The following DTNA variants were observed in gnomAD, a reference collection of about 807,000 sequenced individuals.
DTNA encodes the protein dystrobrevin alpha, also known as dystrophin-related protein 3.
Under a neutral mutation model 100.7 loss-of-function variants are expected in DTNA, and 43 were observed. That is an observed-to-expected ratio of 0.43 (90% CI 0.33 to 0.55). DTNA has a LOEUF of 0.55. DTNA is among the 20% of genes least tolerant of loss of function. DTNA has a pLI of 0.04. For missense variants in DTNA, 798 were observed against 953.9 expected (o/e 0.84, Z 2.15); for synonymous variants, 349 against 347.9 (o/e 1.00, Z -0.04).
intron 1 of DTNA, among the ~76,000 whole-genome samples, chr18:34,677,657 A>G (rs925281171): frequency 6.6e-6 from 1 of 152,180 alleles, no homozygotes; most frequent in Non-Finnish European, 1.5e-5. Flanking sequence ...TCTCAGATAC[A>G]TAGGTCTAAT....
intron 3 of DTNA, among the ~76,000 whole-genome samples, chr18:34,782,792 G>GA (rs2094379486): frequency 6.6e-6 from 1 of 152,212 alleles, no homozygotes; most frequent in Non-Finnish European, 1.5e-5. Context: ...TTCATGCTTA[G>GA]CCTGTTGGGT....
chr18:34,709,890 T>A (rs2082578533), upstream of DTNA, among the ~76,000 whole-genome samples: 1 of 152,216 alleles, frequency 6.6e-6, no homozygotes, highest in Admixed American at 6.5e-5. Flanking sequence ...ATTACTGCAT[T>A]TTTTAATGTT....
chr18:34,540,070 G>C (rs1018666649), intron 1 of DTNA, among the ~76,000 whole-genome samples: 4 of 151,706 alleles, frequency 2.6e-5, no homozygotes, highest in African/African-American at 9.7e-5. Context: ...TGAACTCTCA[G>C]ATATTAATAT....
At chr18:34,583,803 A>G (rs2048862725) in intron 1 of DTNA, among the ~76,000 whole-genome samples, 1 of 152,158 alleles carries the variant, frequency 6.6e-6, no homozygotes, top group Non-Finnish European at 1.5e-5. Context: ...GAAATTCTTA[A>G]CAAGAACACC....
chr18:34,638,041 G>A (rs16965703), intron 1 of DTNA, among the ~76,000 whole-genome samples: 7 of 152,132 alleles, frequency 4.6e-5, no homozygotes, highest in Non-Finnish European at 8.8e-5. Flanking sequence ...ACTTCTTATC[G>A]TTGTCTGTCC....
chr18:34,865,577 T>C (rs1786585), intron 17 of DTNA, among the ~76,000 whole-genome samples: 28,557 of 152,170 alleles, frequency 0.19, 3,728 homozygotes, highest in African/African-American at 0.38. Context: ...CTATCTTGGG[T>C]AAGACAAGAC....
intron 1 of DTNA, among the ~76,000 whole-genome samples, chr18:34,561,161 G>A (rs2046600234): frequency 6.6e-6 from 1 of 152,114 alleles, no homozygotes; most frequent in Non-Finnish European, 1.5e-5. Context: ...TCAAGATGTG[G>A]CAACAACTTT....
intron 1 of DTNA, among the ~76,000 whole-genome samples, chr18:34,543,815 G>A (rs571578629): frequency 2.0e-5 from 3 of 152,158 alleles, no homozygotes; most frequent in South Asian, 4.1e-4. Flanking sequence ...TTTAATATTC[G>A]ATTCACTGAA....
In DTNA at chr18:34,890,431, C is replaced by A. The variant is rs1054515869; in HGVS notation, c.*2697C>A. ...TGGCTCTCCAGATTTACTTTTGGGG[C>A]CTGTTCTAAGTGCAAACCCAGCAAG... On this transcript the variant is annotated 3_prime_UTR_variant, in exon 23 of 23. Coordinates refer to ENST00000444659, the MANE Select transcript of DTNA (RefSeq NM_001386795.1). 6.5e-7 allele frequency: 1 copy of A among 1,536,112 alleles called. No homozygotes were observed. The highest frequency in any genetic ancestry group is 8.7e-7 in the Non-Finnish European group (1 of 1,146,912).
intron 19 of DTNA, among the ~76,000 whole-genome samples, chr18:34,878,183 G>A (rs902829696): frequency 1.3e-5 from 2 of 152,190 alleles, no homozygotes; most frequent in Admixed American, 6.5e-5. Context: ...TTGCTATGTT[G>A]CCTAGGCTGG....
chr18:34,848,605 G>A lies in DTNA; in HGVS notation c.1434+222G>A, dbSNP rs71363470. On this transcript the variant is annotated intron_variant, in intron 14 of 22. Transcript: ENST00000444659. ...AACCATCCACAGTAGTGTGACCCTGGAGTCAAGCTGGAATCCTCGCATCCC... is the reference window on the plus strand; with the variant it reads ...AACCATCCACAGTAGTGTGACCCTGAAGTCAAGCTGGAATCCTCGCATCCC... Among the ~76,000 whole-genome samples the A allele has an allele frequency of 9.3e-3, 1,422 of 152,158 alleles. 20 individuals are homozygous for A. The highest frequency in any genetic ancestry group is 0.015 in the Non-Finnish European group (1,008 of 68,014).
Position 34,525,514 on chromosome 18 carries a change from G to A in DTNA, c.-2+32000G>A, listed in dbSNP as rs576682991. 7.9e-5 allele frequency among the ~76,000 whole-genome samples: 12 copies of A among 152,222 alleles called. No individual in the cohort carries two copies. In the South Asian group the frequency reaches 2.5e-3, roughly 32 times the overall value. Reference sequence around the variant, plus strand: ...TTGTGAGTGTGATCTCTCCCTGCTGGAGGAAATGTTTAGATCTTTGGTTCA... The same window carrying A: ...TTGTGAGTGTGATCTCTCCCTGCTGAAGGAAATGTTTAGATCTTTGGTTCA... On this transcript the variant is annotated intron_variant, in intron 1 of 19. Coordinates refer to the DTNA transcript ENST00000283365.
chr18:34,497,132 C>T (rs1338945051), intron 1 of DTNA, among the ~76,000 whole-genome samples: 1 of 152,110 alleles, frequency 6.6e-6, no homozygotes, highest in Non-Finnish European at 1.5e-5. Context: ...TACTTTCAAA[C>T]TGAAAGAAGT....
chr18:34,851,656 C>G (rs1331551848), intron 14 of DTNA, among the ~76,000 whole-genome samples, 175 bp from the exon 15 acceptor site: 1 of 152,140 alleles, frequency 6.6e-6, no homozygotes, highest in Non-Finnish European at 1.5e-5. Flanking sequence ...GCTCCAGATC[C>G]ACAGAAAAGT....
At chr18:34,716,199 T>A (rs2084035029) in intron 1 of DTNA, among the ~76,000 whole-genome samples, 1 of 152,148 alleles carries the variant, frequency 6.6e-6, no homozygotes, top group Admixed American at 6.5e-5. Flanking sequence ...ACAATAGCAG[T>A]CTGAAAAAGA....
chr18:34,794,809 A>G (rs974270910), intron 4 of DTNA, among the ~76,000 whole-genome samples: 4 of 152,220 alleles, frequency 2.6e-5, no homozygotes, highest in Non-Finnish European at 4.4e-5. Context: ...TCATTTTTGT[A>G]TAATTTTCCC....
At chr18:34,807,842 G>C (rs1019415018) in intron 5 of DTNA, among the ~76,000 whole-genome samples, 10 of 149,180 alleles carry the variant, frequency 6.7e-5, no homozygotes, top group Admixed American at 1.3e-4. Flanking sequence ...CTGACACCGA[G>C]GGCTTTTTTT....
At chr18:34,741,251 G>T (rs775711791) in intron 1 of DTNA, among the ~76,000 whole-genome samples, 6 of 152,088 alleles carry the variant, frequency 3.9e-5, no homozygotes, top group Admixed American at 6.5e-5. Context: ...CCTTTGGCTA[G>T]CTAGCTACTT....
intron 3 of DTNA, among the ~76,000 whole-genome samples, chr18:34,771,107 G>A (rs1332643170): frequency 2.0e-5 from 3 of 152,122 alleles, no homozygotes; most frequent in Admixed American, 1.3e-4. Context: ...AAAATGTTGT[G>A]TAAATTCTTT....
Sources: gnomAD v4.1 joint callset for allele counts (sites outside exome capture counted in the v4.1 genomes callset) on GRCh38, gnomAD v4.1.1 for gene constraint, MANE v1.5 for transcripts, NCBI Gene and HGNC (gene_info 2026-07-23, HGNC 2026-07-21) for gene names.